The following ZBTB20 variants were observed in gnomAD, a reference collection of about 807,000 sequenced individuals.
The protein encoded by ZBTB20 is zinc finger and BTB domain containing 20, also known as zinc finger and BTB domain-containing protein 20.
ZBTB20 carries 9 observed loss-of-function variants against 56.9 expected under a neutral mutation model. The observed-to-expected ratio is 0.16, with a 90% CI of 0.10 to 0.28. ZBTB20 has a LOEUF of 0.28. Among genes scored for constraint, ZBTB20 ranks in the 10% least tolerant of loss-of-function variants. The pLI is 1.00. For synonymous variants in ZBTB20, 417 were observed against 420.7 expected (o/e 0.99, Z 0.11); for missense variants, 655 against 1,003.0 (o/e 0.65, Z 4.69).
chr3:114,790,459 A>G (rs980544199), intron 5 of ZBTB20, among the ~76,000 whole-genome samples: 1 of 152,136 alleles, frequency 6.6e-6, no homozygotes, highest in African/African-American at 2.4e-5. Context: ...AATTATGGTC[A>G]TTCTTCCAGG....
At chr3:114,808,552 G>A (rs1031004286) in intron 4 of ZBTB20, among the ~76,000 whole-genome samples, 3 of 151,772 alleles carry the variant, frequency 2.0e-5, no homozygotes, top group Admixed American at 6.6e-5. Context: ...TTGGTAATCT[G>A]TCATCTTCTC....
chr3:114,992,145 T>C (rs910644521), intron 2 of ZBTB20, among the ~76,000 whole-genome samples: 8 of 152,012 alleles, frequency 5.3e-5, no homozygotes, highest in Non-Finnish European at 1.5e-5. Flanking sequence ...AAATACTCAC[T>C]GTATGATGCT....
At chr3:114,628,803 G>A (rs934593437) in intron 6 of ZBTB20, among the ~76,000 whole-genome samples, 6 of 152,102 alleles carry the variant, frequency 3.9e-5, no homozygotes, top group Non-Finnish European at 5.9e-5. Context: ...TAGAGCTGCT[G>A]TTAATATTTC....
In ZBTB20 at chr3:114,824,748, C is replaced by T. The variant is rs571032719; in HGVS notation, c.-416-23574G>A. ...TAGAAGCTCAGAGAGCTAAAGAGTA[C>T]TGGCAGAATATTATACTGCAAGAAT... On this transcript the variant is annotated intron_variant, in intron 4 of 11. Coordinates refer to ENST00000675478, the MANE Select transcript of ZBTB20 (RefSeq NM_001348800.3). 7.9e-5 allele frequency among the ~76,000 whole-genome samples: 12 copies of T among 151,978 alleles called. No homozygotes were observed. In the East Asian group the frequency reaches 2.3e-3, roughly 29 times the overall value.
At chr3:114,854,022 CAAAT>C (rs1315206938) in intron 4 of ZBTB20, among the ~76,000 whole-genome samples, 5 of 152,034 alleles carry the variant, frequency 3.3e-5, no homozygotes, top group Admixed American at 3.3e-4. Flanking sequence ...TTTTCTGAAA[CAAAT>C]AAGTGACTTG....
At chr3:114,916,910 T>TG (rs2075766563) in intron 3 of ZBTB20, among the ~76,000 whole-genome samples, 2 of 152,188 alleles carry the variant, frequency 1.3e-5, no homozygotes, top group Non-Finnish European at 2.9e-5. Context: ...AACCTTCTTG[T>TG]GCTTGAATAA....
intron 5 of ZBTB20, among the ~76,000 whole-genome samples, chr3:114,759,515 A>G (rs1256991617): frequency 6.6e-6 from 1 of 152,126 alleles, no homozygotes; most frequent in Non-Finnish European, 1.5e-5. Flanking sequence ...AACATTCACA[A>G]AAGAGGTCTC....
chr3:114,517,807 C>T (rs1433401992), intron 6 of ZBTB20, among the ~76,000 whole-genome samples: 1 of 152,006 alleles, frequency 6.6e-6, no homozygotes, highest in African/African-American at 2.4e-5. Context: ...AATTCCTGAC[C>T]TCATGATCCA....
chr3:115,092,512 A>G (rs867142165), intron 1 of ZBTB20, among the ~76,000 whole-genome samples: 16 of 152,154 alleles, frequency 1.1e-4, no homozygotes, highest in Middle Eastern at 3.2e-3. Flanking sequence ...ATATAGAAAT[A>G]GGACATATTC....
intron 6 of ZBTB20, among the ~76,000 whole-genome samples, chr3:114,612,094 C>T (rs557198181): frequency 5.0e-4 from 76 of 152,262 alleles, no homozygotes; most frequent in Non-Finnish European, 2.6e-4. Context: ...TCTCTGTTTT[C>T]CCATATTAAA....
At chr3:115,068,710 T>C (rs940294317) in intron 2 of ZBTB20, among the ~76,000 whole-genome samples, 8 of 152,132 alleles carry the variant, frequency 5.3e-5, no homozygotes, top group African/African-American at 1.9e-4. Flanking sequence ...TAGTGATACT[T>C]ATAATATTTA....
intron 3 of ZBTB20, among the ~76,000 whole-genome samples, chr3:114,936,194 T>C (rs961123829): frequency 1.3e-5 from 2 of 151,998 alleles, no homozygotes; most frequent in East Asian, 1.9e-4. Flanking sequence ...AAAATACAAC[T>C]TAAGGAATTT....
intron 7 of ZBTB20, among the ~76,000 whole-genome samples, chr3:114,473,751 T>G (rs1014455238): frequency 6.6e-5 from 10 of 152,290 alleles, no homozygotes; most frequent in South Asian, 2.1e-4. Context: ...ATTCTAATTC[T>G]ATGTCAGTTT....
chr3:115,142,659 C>CA (rs535455119), intron 1 of ZBTB20, among the ~76,000 whole-genome samples: 5,195 of 107,758 alleles, frequency 0.048, 259 homozygotes, highest in African/African-American at 0.14. Context: ...AAGACTCCAT[C>CA]AAAAAAAAAA....
intron 4 of ZBTB20, among the ~76,000 whole-genome samples, chr3:114,897,789 T>C (rs545647289): frequency 1.3e-5 from 2 of 152,108 alleles, no homozygotes; most frequent in East Asian, 1.9e-4. Flanking sequence ...GGTAGTTCCA[T>C]GCCTAAAAGT....
At chr3:114,748,831 T>C (rs546958034) in intron 5 of ZBTB20, among the ~76,000 whole-genome samples, 1 of 152,250 alleles carries the variant, frequency 6.6e-6, no homozygotes, top group South Asian at 2.1e-4. Context: ...AAAAGTAAAG[T>C]GGTGTTAATG....
chr3:114,852,474 G>C (rs1397662156), intron 4 of ZBTB20, among the ~76,000 whole-genome samples: 1 of 151,894 alleles, frequency 6.6e-6, no homozygotes, highest in Non-Finnish European at 1.5e-5. Context: ...ATGCTGGCCA[G>C]GCTGGTCTCA....
chr3:115,123,063 G>A (rs2084228283), intron 1 of ZBTB20, among the ~76,000 whole-genome samples: 1 of 152,100 alleles, frequency 6.6e-6, no homozygotes, highest in Non-Finnish European at 1.5e-5. Context: ...TCACAGGCTA[G>A]TTCTGTGTGC....
chr3:114,456,071 T>C (rs2091992553), intron 7 of ZBTB20, among the ~76,000 whole-genome samples: 1 of 152,006 alleles, frequency 6.6e-6, no homozygotes. Flanking sequence ...ACCTCCCAAA[T>C]AAGAAGATTA....
Sources: gnomAD v4.1 joint callset for allele counts (sites outside exome capture counted in the v4.1 genomes callset) on GRCh38, gnomAD v4.1.1 for gene constraint, MANE v1.5 for transcripts, NCBI Gene and HGNC (gene_info 2026-07-23, HGNC 2026-07-21) for gene names.